Variants in GLT1D1 observed in about 807,000 individuals in gnomAD.
GLT1D1 encodes glycosyltransferase 1 domain containing 1.
GLT1D1 carries 21 observed loss-of-function variants against 28.7 expected under a neutral mutation model. The ratio of observed to expected loss-of-function variants is 0.73; its 90% CI spans 0.52 to 1.05. GLT1D1 has a LOEUF of 1.05. GLT1D1 is among the 50% of genes least tolerant of loss of function. The pLI, the probability that GLT1D1 is intolerant of heterozygous loss-of-function variation, is 0.00. For synonymous variants in GLT1D1, 147 were observed against 124.8 expected, an observed-to-expected ratio of 1.18 and a Z score of -1.19; for missense variants, 343 against 330.6, an observed-to-expected ratio of 1.04 and a Z score of -0.29.
At chr12:128,897,515 C>A (rs1205054043) in intron 3 of GLT1D1, among the ~76,000 whole-genome samples, 1 of 152,080 alleles carries the variant, frequency 6.6e-6, no homozygotes, top group East Asian at 1.9e-4. Context: ...CTGAGGCCAG[C>A]TGCTTGTTCT....
At chr12:128,914,211 G>A (rs903136249) in intron 4 of GLT1D1, among the ~76,000 whole-genome samples, 10 of 152,146 alleles carry the variant, frequency 6.6e-5, no homozygotes, top group African/African-American at 2.4e-4. Context: ...ATAGCCAACA[G>A]ACCATCAGGC....
intron 4 of GLT1D1, among the ~76,000 whole-genome samples, chr12:128,932,616 C>T (rs1277161444): frequency 6.6e-6 from 1 of 152,208 alleles, no homozygotes; most frequent in Non-Finnish European, 1.5e-5. Flanking sequence ...TTTGTTGTTT[C>T]AGCAAACAGG....
intron 1 of GLT1D1, among the ~76,000 whole-genome samples, chr12:128,874,291 C>T (rs189436349): frequency 3.3e-5 from 5 of 150,922 alleles, no homozygotes; most frequent in African/African-American, 1.2e-4. Flanking sequence ...AAGCAATTCT[C>T]GTGCCTCAGC....
At chr12:128,981,265 T>C (rs1880295247) in intron 7 of GLT1D1, among the ~76,000 whole-genome samples, 1 of 152,162 alleles carries the variant, frequency 6.6e-6, no homozygotes, top group Non-Finnish European at 1.5e-5. Flanking sequence ...TCACAATCTG[T>C]TCCTAGAAAC....
chr12:128,900,867 C>T (rs1593104346), intron 4 of GLT1D1, among the ~76,000 whole-genome samples: 1 of 152,134 alleles, frequency 6.6e-6, no homozygotes, highest in Non-Finnish European at 1.5e-5. Context: ...AATGCCTGAC[C>T]TCAAGTGATC....
intron 4 of GLT1D1, among the ~76,000 whole-genome samples, chr12:128,941,411 G>T (rs1044679923): frequency 6.6e-6 from 1 of 150,984 alleles, no homozygotes; most frequent in Non-Finnish European, 1.5e-5. Flanking sequence ...TTGGGTGGTT[G>T]TCAAATTGTC....
At chr12:128,877,816 G>A (rs1185695696) in intron 2 of GLT1D1, among the ~76,000 whole-genome samples, 1 of 152,194 alleles carries the variant, frequency 6.6e-6, no homozygotes, top group Non-Finnish European at 1.5e-5. Flanking sequence ...GCATTCAAAA[G>A]CAGCTTAGCT....
chr12:128,965,662 AG>A (rs1160007853), intron 7 of GLT1D1, among the ~76,000 whole-genome samples: 2 of 146,256 alleles, frequency 1.4e-5, no homozygotes, highest in Non-Finnish European at 3.0e-5. Flanking sequence ...GCTTGAGCTC[AG>A]GAGTTCAAGA....
chr12:128,932,484 A>T (rs1366619447), intron 4 of GLT1D1, among the ~76,000 whole-genome samples: 1 of 152,178 alleles, frequency 6.6e-6, no homozygotes, highest in Non-Finnish European at 1.5e-5. Context: ...GTGGTCTGAG[A>T]GTTTTTTAAA....
chr12:128,935,944 A>C (rs1874508513), intron 4 of GLT1D1, among the ~76,000 whole-genome samples: 1 of 152,188 alleles, frequency 6.6e-6, no homozygotes, highest in African/African-American at 2.4e-5. Context: ...TAGAGTGGTC[A>C]CACGCATGTC....
chr12:128,952,529 C>T (rs1197566946), intron 6 of GLT1D1, among the ~76,000 whole-genome samples: 12 of 149,912 alleles, frequency 8.0e-5, no homozygotes, highest in Non-Finnish European at 1.6e-4. Context: ...GGGCAATAGC[C>T]GATCTCGGCT....
intron 2 of GLT1D1, among the ~76,000 whole-genome samples, chr12:128,876,684 AT>A (rs1194317883): frequency 2.6e-5 from 4 of 152,216 alleles, no homozygotes; most frequent in African/African-American, 9.6e-5. Context: ...TAGAGCACTT[AT>A]GAAAGATGTT....
rs79589019 is a variant in GLT1D1, at chr12:128,933,260, C to A, written c.376-12066C>A. ...CGTCACTGAACACAGGGTGCGGAAG[C>A]GATGCGGGTAGACGCAGGCGGCGCC... On this transcript the variant is annotated intron_variant, in intron 4 of 7. Coordinates refer to ENST00000281703, the MANE Select transcript of GLT1D1 (RefSeq NM_144669.3). Among the ~76,000 whole-genome samples, 289 of 152,374 alleles carry A rather than the reference C, an allele frequency of 1.9e-3. 2 individuals are homozygous for A. Among genetic ancestry groups the A allele is most frequent in the African/African-American group, 6.7e-3 (277 of 41,598 alleles).
chr12:128,947,256 C>G, intron 5 of GLT1D1, 82 bp from the exon 10 acceptor site: 1 of 1,535,680 alleles, frequency 6.5e-7, no homozygotes, highest in Non-Finnish European at 9.0e-7. Context: ...GTATTACACC[C>G]AAATTGTCAT....
intron 4 of GLT1D1, among the ~76,000 whole-genome samples, chr12:128,913,254 C>T (rs1871731451): frequency 1.3e-5 from 2 of 152,150 alleles, no homozygotes; most frequent in Non-Finnish European, 2.9e-5. Context: ...AAGTCTTGCT[C>T]TGTCGCCCAG....
At chr12:128,949,082 A>C (rs1876426171) in intron 6 of GLT1D1, among the ~76,000 whole-genome samples, 1 of 152,212 alleles carries the variant, frequency 6.6e-6, no homozygotes, top group South Asian at 2.1e-4. Context: ...TCGGGGCAAT[A>C]CATTTTATTC....
intron 3 of GLT1D1, among the ~76,000 whole-genome samples, chr12:128,892,462 G>A (rs1054926667): frequency 6.6e-6 from 1 of 152,048 alleles, no homozygotes; most frequent in East Asian, 1.9e-4. Context: ...ACTGCCTTAC[G>A]GAAGAAAAAC....
intron 1 of GLT1D1, among the ~76,000 whole-genome samples, chr12:128,869,580 A>G (rs1260543631): frequency 6.6e-6 from 1 of 152,076 alleles, no homozygotes; most frequent in Admixed American, 6.6e-5. Flanking sequence ...TATAATTTAT[A>G]TATTTACGTA....
intron 1 of GLT1D1, among the ~76,000 whole-genome samples, chr12:128,866,487 C>T (rs1956522833): frequency 6.6e-6 from 1 of 150,548 alleles, no homozygotes; most frequent in South Asian, 2.1e-4. Flanking sequence ...CCTCCTCCTG[C>T]CCCCCACCAA....
Sources: allele counts gnomAD v4.1 joint callset (sites outside exome capture counted in the v4.1 genomes callset), GRCh38; gene constraint gnomAD v4.1.1; transcripts MANE v1.5; gene names NCBI Gene and HGNC (gene_info 2026-07-23, HGNC 2026-07-21).